NBEAL2: variants seen among roughly 807,000 people sequenced by gnomAD.
NBEAL2 encodes the protein neurobeachin-like protein 2.
In NBEAL2, 160 loss-of-function variants were observed where a neutral mutation model predicts 299.8. The observed-to-expected ratio is 0.53, with a 90% confidence interval of 0.47 to 0.61. NBEAL2 has a LOEUF of 0.61. NBEAL2 is among the 20% of genes least tolerant of loss of function. The pLI is 0.00. For missense variants in NBEAL2, 3,112 were observed against 3,649.0 expected (o/e 0.85, Z 3.79); for synonymous variants, 1,493 against 1,542.3 (o/e 0.97, Z 0.75).
Position 47,006,439 on chromosome 3 carries a change from T to C in NBEAL2, c.7124T>C (p.Phe2375Ser). The C allele has an allele frequency of 6.3e-7, 1 of 1,580,398 alleles. No individual in the cohort carries two copies. The highest frequency in any genetic ancestry group is 1.2e-5 in the South Asian group (1 of 86,098). Residue 2375 changes from phenylalanine to serine, a missense_variant, in exon 45 of 54, where the codon TTC becomes TCC. Phe to Ser is a radical substitution (Grantham distance 155). Around this residue, in one of 3 missense-constraint regions of NBEAL2, gnomAD observed 521 missense variants for 729.6 expected, o/e 0.71. Transcript: ENST00000450053. Reference sequence around the variant, plus strand: ...CAGCACCTGGACGAACTCAAGGCATTCTTCGCAGAGGTGAAAGGAAGACAA... The same window carrying C: ...CAGCACCTGGACGAACTCAAGGCATCCTTCGCAGAGGTGAAAGGAAGACAA... Reference protein sequence around the residue: ...IFQHLDELKAFFAEVVSDGVP... With the variant: ...IFQHLDELKASFAEVVSDGVP...
In NBEAL2 at chr3:47,009,313, C is replaced by T. The variant is rs751021603; in HGVS notation, c.8258C>T (p.Ala2753Val). The T allele has an allele frequency of 6.3e-6, 10 of 1,592,504 alleles. No homozygotes were observed. The South Asian group carries it at 1.0e-4, about 16-fold the overall frequency. Reference sequence around the variant, plus strand: ...GAGACGGAATACAACCCTACTGAGGCGCGCTGAACCTGGCCAGTCCGGCTG... The same window carrying T: ...GAGACGGAATACAACCCTACTGAGGTGCGCTGAACCTGGCCAGTCCGGCTG... ...SGETEYNPTE[A>V]R Residue 2753 changes from alanine (A) to valine (V), a missense_variant, in exon 54 of 54, where the codon GCG becomes GTG. Physicochemically the swap from Ala to Val is moderately conservative, Grantham distance 64. This residue lies in a region of NBEAL2 where 348 missense variants were observed against 381.4 expected (regional missense o/e 0.91). Coordinates refer to ENST00000450053, the MANE Select transcript of NBEAL2 (RefSeq NM_015175.3).
intron 6 of NBEAL2, among the ~76,000 whole-genome samples, chr3:46,990,751 A>G (rs2036021028): frequency 6.6e-6 from 1 of 152,214 alleles, no homozygotes; most frequent in Admixed American, 6.5e-5. Flanking sequence ...TAGAAGTCCC[A>G]GGCAAAGGCA....
rs192222527 is a variant in NBEAL2, at chr3:47,001,591, C to G, written c.4645-98C>G. 7.6e-6 allele frequency: 12 copies of G among 1,575,490 alleles called. No homozygotes were observed. In the Admixed American group the frequency reaches 2.0e-4, roughly 27 times the overall value. The stretch of plus-strand genomic sequence containing the variant: ...GTGTGGACTTGCCTGTGTGCACAAA[C>G]CCTACCTGGCCCCCAGCGCAAACTT... On this transcript the variant is annotated intron_variant, in intron 29 of 53. Transcript: ENST00000450053. This position sits in a 1 kb window ranked among gnomAD's most constrained non-coding sequence, Gnocchi z 6.1.
chr3:46,994,103 G>A, intron 11 of NBEAL2, 83 bp downstream of exon 11: 1 of 1,380,806 alleles, frequency 7.2e-7, no homozygotes, highest in Middle Eastern at 1.8e-4. Flanking sequence ...CTGGCCGGTG[G>A]CCATAAGCAT....
Position 46,996,826 on chromosome 3 carries a change from C to T in NBEAL2, c.2549C>T (p.Ser850Leu). 6.2e-7 allele frequency: 1 copy of T among 1,612,714 alleles called. No individual in the cohort carries two copies. Among genetic ancestry groups the T allele is most frequent in the Non-Finnish European group, 8.5e-7 (1 of 1,179,800 alleles). Reference sequence around the variant, plus strand: ...AGCACCAGGCTGCTCCTCCATTACTCACCTCAGGTATTTGGGGGCCCCAGG... The same window carrying T: ...AGCACCAGGCTGCTCCTCCATTACTTACCTCAGGTATTTGGGGGCCCCAGG... ...ELSTRLLLHY[S>L]PQACKNNICL... The change falls in exon 17 of 54, where the codon TCA becomes TTA. Residue 850 changes from serine (S) to leucine (L), a missense_variant. Physicochemically the swap from Ser to Leu is moderately radical, Grantham distance 145. Transcript: ENST00000450053.
chr3:47,007,855 A>C lies in NBEAL2; in HGVS notation c.7547A>C (p.Tyr2516Ser), dbSNP rs1184484249. ...TCLALDTCGI[Y>S]LISGSRDTTC... is the part of the protein sequence containing the mutation. The stretch of plus-strand genomic sequence containing the variant: ...CTTGCACTGGACACCTGTGGCATCT[A>C]CCTCATCTCAGGCTCCCGGGACACC... Residue 2516 changes from tyrosine to serine, a missense_variant, in exon 49 of 54, where the codon TAC (tyrosine) becomes TCC (serine). Around this residue, in one of 3 missense-constraint regions of NBEAL2, gnomAD observed 348 missense variants for 381.4 expected, o/e 0.91. Transcript: ENST00000450053. 1 of 1,613,468 alleles carries C rather than the reference A, an allele frequency of 6.2e-7. No individual in the cohort carries two copies. The highest frequency in any genetic ancestry group is 1.7e-5 in the Admixed American group (1 of 59,984).
rs921952494 is a variant in NBEAL2, at chr3:46,997,824, AG to A, written c.2958+132del. 3.8e-6 allele frequency: 5 copies of A among 1,328,004 alleles called. No homozygotes were observed. The African/African-American group carries it at 7.4e-5, about 20-fold the overall frequency. 82.3% of individuals were successfully genotyped at this position (1,328,004 alleles called of 1,614,324 possible). A position where few individuals can be genotyped will look rare whatever the true frequency, so the allele number is the denominator to read the frequency against. ...AGTTGCCACTTGAGTGGGGCCTGAA[AG>A]GCCGAGCAGGGTTGGGTCTGGAGGA... On this transcript the variant is annotated intron_variant, in intron 20 of 53. Coordinates refer to ENST00000450053, the MANE Select transcript of NBEAL2 (RefSeq NM_015175.3).
Position 47,004,202 on chromosome 3 carries a change from C to T in NBEAL2, c.6007C>T (p.Pro2003Ser), listed in dbSNP as rs2037247247. Residue 2003 changes from proline to serine, a missense_variant, in exon 37 of 54, where the codon CCA (proline) becomes TCA (serine). By Grantham distance (74) the Pro-to-Ser change is moderately conservative (BLOSUM62 -1). Coordinates refer to ENST00000450053, the MANE Select transcript of NBEAL2 (RefSeq NM_015175.3). This position sits in a 1 kb window ranked among gnomAD's most constrained non-coding sequence, Gnocchi z 5.0. ...IDQANYFLNF[P>S]CKVGTTPVSS... The stretch of plus-strand genomic sequence containing the variant: ...TCAGGCCAACTACTTCCTCAACTTC[C>T]CATGCAAGGTGGGCACGACCCCAGT... 2.5e-6 allele frequency: 4 copies of T among 1,613,700 alleles called. No individual in the cohort carries two copies. The highest frequency in any genetic ancestry group is 1.7e-5 in the Admixed American group (1 of 59,988).
chr3:46,999,919 G>A lies in NBEAL2; in HGVS notation c.3820G>A (p.Val1274Ile), dbSNP rs1418500306. ...CCACCTCATCTACGGACAGCCAGATGTAGTGCGGCTTCTGGCCCGACAGGC... is the reference window on the plus strand; with the variant it reads ...CCACCTCATCTACGGACAGCCAGATATAGTGCGGCTTCTGGCCCGACAGGC... Reference protein sequence around the residue: ...LFHLIYGQPDVVRLLARQAGW... With the variant: ...LFHLIYGQPDIVRLLARQAGW... Residue 1274 changes from valine (V) to isoleucine (I), a missense_variant, in exon 27 of 54, where the codon GTA becomes ATA. Physicochemically the swap from Val to Ile is conservative, Grantham distance 29 (BLOSUM62 3). Around this residue, in one of 3 missense-constraint regions of NBEAL2, gnomAD observed 2,243 missense variants for 2,538.1 expected, o/e 0.88. Transcript: ENST00000450053. 2 of 1,610,472 alleles carry A rather than the reference G, an allele frequency of 1.2e-6. No homozygotes were observed. The highest frequency in any genetic ancestry group is 1.3e-5 in the African/African-American group (1 of 74,888).
chr3:46,992,624 A>T, intron 10 of NBEAL2, 69 bp downstream of exon 10: 1 of 1,411,626 alleles, frequency 7.1e-7, no homozygotes, highest in Non-Finnish European at 9.8e-7. Context: ...CCTGCACTAT[A>T]GCTGGGGAAA....
chr3:46,994,419 T>A (rs376364324), intron 11 of NBEAL2, 36 bp from the exon 12 acceptor site: 4 of 1,543,636 alleles, frequency 2.6e-6, no homozygotes, highest in Admixed American at 3.7e-5. Flanking sequence ...CCGGCCCATG[T>A]ATGTGTTCAC....
intron 42 of NBEAL2, 44 bp from the exon 43 acceptor site, chr3:47,005,902 G>C (rs749501616): frequency 1.2e-5 from 20 of 1,612,320 alleles, no homozygotes; most frequent in Admixed American, 1.7e-5. Flanking sequence ...AAGATCATGG[G>C]GGGTCAGCTG....
At chr3:47,008,864 T>A in intron 52 of NBEAL2, 125 bp from the exon 53 acceptor site, 1 of 1,473,554 alleles carries the variant, frequency 6.8e-7, no homozygotes, top group Non-Finnish European at 9.2e-7. Flanking sequence ...TTTCTTTGTG[T>A]ATAAGAATTT....
In NBEAL2 at chr3:46,989,355, C is replaced by A; in HGVS notation, c.447C>A (p.Tyr149Ter). ...TCTGCGAGGGCCTCTTTGACCCTTACCAAACCTGGCGGCGCCAGCGCAGTG... is the reference window on the plus strand; with the variant it reads ...TCTGCGAGGGCCTCTTTGACCCTTAACAAACCTGGCGGCGCCAGCGCAGTG... The part of the protein sequence containing the change: ...LLLCEGLFDP[Y>*]QTWRRQRSGE... The change falls in exon 5 of 54, where the codon TAC becomes TAA. Residue 149 changes from tyrosine (Y) to a stop codon, truncating the protein, a stop_gained. Coordinates refer to ENST00000450053, the MANE Select transcript of NBEAL2 (RefSeq NM_015175.3). LOFTEE classifies it high-confidence loss of function. This position sits in a 1 kb window ranked among gnomAD's most constrained non-coding sequence, Gnocchi z 5.5. The A allele has an allele frequency of 6.3e-7, 1 of 1,583,360 alleles. No homozygotes were observed. The highest frequency in any genetic ancestry group is 2.3e-5 in the East Asian group (1 of 43,222).
In NBEAL2 at chr3:46,991,494, C is replaced by T. The variant is rs374746619; in HGVS notation, c.731C>T (p.Pro244Leu). 1.7e-5 allele frequency: 28 copies of T among 1,612,168 alleles called. No homozygotes were observed. Among genetic ancestry groups the T allele is most frequent in the Non-Finnish European group, 2.3e-5 (27 of 1,179,874 alleles). Reference sequence around the variant, plus strand: ...TGGAGCCGTGGGCCAGCCCCGGACCCGTGCCTAGTGCCACTGGCTCTAGAG... The same window carrying T: ...TGGAGCCGTGGGCCAGCCCCGGACCTGTGCCTAGTGCCACTGGCTCTAGAG... The part of the protein sequence containing the change: ...RGWSRGPAPD[P>L]CLVPLALEAL... Residue 244 changes from proline to leucine, a missense_variant, in exon 8 of 54, where the codon CCG becomes CTG. Physicochemically the swap from Pro to Leu is moderately conservative, Grantham distance 98. Around this residue, in one of 3 missense-constraint regions of NBEAL2, gnomAD observed 2,243 missense variants for 2,538.1 expected, o/e 0.88. Coordinates refer to ENST00000450053, the MANE Select transcript of NBEAL2 (RefSeq NM_015175.3). The surrounding 1 kb of genome is among the most constrained non-coding windows in gnomAD (Gnocchi z 6.2).
chr3:46,995,438 T>C lies in NBEAL2; in HGVS notation c.1703T>C (p.Met568Thr). ...AGAVIRTLSG[M>T]ARHQGPARAL... ...GCTGTCATCCGCACATTATCAGGCA[T>C]GGCCAGGCACCAGGGTCCTGCACGT... Residue 568 changes from methionine (M) to threonine (T), a missense_variant, in exon 13 of 54, where the codon ATG becomes ACG. Physicochemically the swap from Met to Thr is moderately conservative, Grantham distance 81. Around this residue, in one of 3 missense-constraint regions of NBEAL2, gnomAD observed 2,243 missense variants for 2,538.1 expected, o/e 0.88. Transcript: ENST00000450053. 2 of 1,612,850 alleles carry C rather than the reference T, an allele frequency of 1.2e-6. No homozygotes were observed. Among genetic ancestry groups the C allele is most frequent in the African/African-American group, 1.3e-5 (1 of 75,070 alleles).
rs764580062 is a variant in NBEAL2 at position 46,991,667 on chromosome 3, A to G, written c.904A>G (p.Thr302Ala). ...LSSGPEEALV[T>A]LRVSMLDAIP... ...CTCAGGCCCCGAAGAGGCCCTTGTCACCCTCCGGGTCAGCATGCTCGGTGG... is the reference window on the plus strand; with the variant it reads ...CTCAGGCCCCGAAGAGGCCCTTGTCGCCCTCCGGGTCAGCATGCTCGGTGG... Residue 302 changes from threonine to alanine, a missense_variant, in exon 8 of 54, where the codon ACC (threonine) becomes GCC (alanine). By Grantham distance (58) the Thr-to-Ala change is moderately conservative (BLOSUM62 0). Transcript: ENST00000450053. The surrounding 1 kb of genome is among the most constrained non-coding windows in gnomAD (Gnocchi z 6.2). The G allele has an allele frequency of 2.3e-5, 37 of 1,597,326 alleles. No homozygotes were observed. In the African/African-American group the frequency reaches 3.6e-4, roughly 16 times the overall value.
Position 46,998,896 on chromosome 3 carries a change from G to C in NBEAL2, c.3384+17G>C. On this transcript the variant is annotated intron_variant, in intron 23 of 53. Coordinates refer to ENST00000450053, the MANE Select transcript of NBEAL2 (RefSeq NM_015175.3). ...GACGGTCAGGTAGGCTGGAGGTTGGGGAGCGGGAGGCTTGGGTGAGGGGAG... is the reference window on the plus strand; with the variant it reads ...GACGGTCAGGTAGGCTGGAGGTTGGCGAGCGGGAGGCTTGGGTGAGGGGAG... 2 of 1,596,468 alleles carry C rather than the reference G, an allele frequency of 1.3e-6. No individual in the cohort carries two copies. Among genetic ancestry groups the C allele is most frequent in the Non-Finnish European group, 1.7e-6 (2 of 1,171,956 alleles).
In NBEAL2 at chr3:47,005,281, G is replaced by A. The variant is rs2037340056; in HGVS notation, c.6520G>A (p.Glu2174Lys). 6.2e-7 allele frequency: 1 copy of A among 1,612,994 alleles called. No homozygotes were observed. The highest frequency in any genetic ancestry group is 1.7e-5 in the Admixed American group (1 of 59,948). The change falls in exon 40 of 54, where the codon GAG (glutamate) becomes AAG (lysine). Residue 2174 changes from glutamate (E) to lysine (K), a missense_variant. Physicochemically the swap from Glu to Lys is moderately conservative, Grantham distance 56. Around this residue, in one of 3 missense-constraint regions of NBEAL2, gnomAD observed 521 missense variants for 729.6 expected, o/e 0.71. Transcript: ENST00000450053. ...CGTGATGCACTACCTCATCCGCGTG[G>A]AGCCCTTCACCTCCCTGCACGTCCA... Reference protein sequence around the residue: ...AGVMHYLIRVEPFTSLHVQLQ... With the variant: ...AGVMHYLIRVKPFTSLHVQLQ...
Sources: gnomAD v4.1 joint callset for allele counts (sites outside exome capture counted in the v4.1 genomes callset) on GRCh38, gnomAD v4.1.1 for gene constraint, gnomAD v4.1.1 regional missense constraint, Gnocchi (gnomAD v3.1) non-coding constraint, MANE v1.5 for transcripts, NCBI Gene and HGNC (gene_info 2026-07-23, HGNC 2026-07-21) for gene names.